Variants in BDP1 observed in about 807,000 individuals in gnomAD.
BDP1 encodes the protein transcription factor TFIIIB component B'' homolog.
In BDP1, 169 loss-of-function variants were observed where a neutral mutation model predicts 266.6. The observed-to-expected ratio is 0.63, with a 90% CI of 0.56 to 0.72. The LOEUF (loss-of-function observed/expected upper bound fraction) is 0.72. BDP1 is among the 30% of genes least tolerant of loss of function. The pLI is 0.00. For synonymous variants in BDP1, 1,090 were observed against 1,022.4 expected, an observed-to-expected ratio of 1.07 and a Z score of -1.26; for missense variants, 3,015 against 3,053.8, an observed-to-expected ratio of 0.99 and a Z score of 0.30.
Position 71,541,461 on chromosome 5 carries a change from A to G in BDP1, c.6030A>G (p.Val2010=), listed in dbSNP as rs759524421. The change falls in exon 29 of 39, where the codon GTA becomes GTG. Residue 2010 remains valine (V), a synonymous_variant. Coordinates refer to ENST00000358731, the MANE Select transcript of BDP1 (RefSeq NM_018429.3). ...EISSEQGDVG[V]CIIPHVHSKD... ...TTTTTTTTTTTTCTTCAGTAGGAGT[A>G]TGTATAATTCCTCATGTTCATTCAA... The G allele has an allele frequency of 1.6e-6, 2 of 1,270,956 alleles. No individual in the cohort carries two copies. Among genetic ancestry groups the G allele is most frequent in the Non-Finnish European group, 2.2e-6 (2 of 907,224 alleles). 78.7% of individuals were successfully genotyped at this position (1,270,956 alleles called of 1,614,324 possible). A position where few individuals can be genotyped will look rare whatever the true frequency, so the allele number is the denominator to read the frequency against.
At position 71,491,014 on chromosome 5, in the gene BDP1, A is replaced by G; in HGVS notation, c.1523A>G (p.Lys508Arg). Residue 508 changes from lysine to arginine, a missense_variant, in exon 11 of 39, where the codon AAG (lysine) becomes AGG (arginine). By Grantham distance (26) the Lys-to-Arg change is conservative (BLOSUM62 2). Transcript: ENST00000358731. ...TGTCAGGCTATAAGGCCTGAGCTAA[A>G]GGAAGGTGAATGCAGTAAGGAGCAG... ...NKCQAIRPEL[K>R]EGECSKEQML... 6.2e-7 allele frequency: 1 copy of G among 1,613,110 alleles called. No homozygotes were observed. Among genetic ancestry groups the G allele is most frequent in the East Asian group, 2.2e-5 (1 of 44,856 alleles).
chr5:71,547,002 C>T (rs276601), intron 32 of BDP1, among the ~76,000 whole-genome samples: 58,150 of 151,762 alleles, frequency 0.38, 12,010 homozygotes, highest in South Asian at 0.47. Flanking sequence ...TGTCCCACCA[C>T]ACCTGACTAA....
chr5:71,504,860 C>A, intron 16 of BDP1, 109 bp downstream of exon 16: 1 of 983,586 alleles, frequency 1.0e-6, no homozygotes, highest in Non-Finnish European at 1.6e-6. Flanking sequence ...GTCTGCGTGT[C>A]TAGTTATGTA....
At chr5:71,474,702 C>T (rs892035403) in intron 7 of BDP1, among the ~76,000 whole-genome samples, 1 of 151,478 alleles carries the variant, frequency 6.6e-6, no homozygotes, top group African/African-American at 2.4e-5. Flanking sequence ...CAAAAATTAG[C>T]CAGGTGTGGT....
chr5:71,496,628 G>A (rs1469540299), intron 12 of BDP1, among the ~76,000 whole-genome samples: 2 of 152,092 alleles, frequency 1.3e-5, no homozygotes, highest in African/African-American at 2.4e-5. Context: ...TGTCACCCAG[G>A]CTGGAGTGCA....
intron 33 of BDP1, among the ~76,000 whole-genome samples, 165 bp from the exon 34 acceptor site, chr5:71,549,255 G>A (rs959059324): frequency 1.3e-5 from 2 of 152,128 alleles, no homozygotes; most frequent in African/African-American, 4.8e-5. Flanking sequence ...CAAAAAAGGA[G>A]GGAACTTACT....
intron 7 of BDP1, among the ~76,000 whole-genome samples, chr5:71,472,616 G>C (rs1357313605): frequency 1.3e-5 from 2 of 151,834 alleles, no homozygotes; most frequent in Non-Finnish European, 2.9e-5. Flanking sequence ...GGATTTTTTT[G>C]CTACTTTGTT....
chr5:71,493,064 T>C (rs181246448), intron 11 of BDP1, among the ~76,000 whole-genome samples: 18 of 152,334 alleles, frequency 1.2e-4, no homozygotes, highest in African/African-American at 4.3e-4. Flanking sequence ...ATTAGGCTCA[T>C]TGAGAGCGGT....
intron 30 of BDP1, among the ~76,000 whole-genome samples, chr5:71,543,430 C>T (rs903717259): frequency 1.3e-5 from 2 of 152,084 alleles, no homozygotes; most frequent in Admixed American, 6.5e-5. Flanking sequence ...GACCTTGTCT[C>T]TACAAAATAA....
intron 19 of BDP1, 35 bp downstream of exon 19, chr5:71,513,442 G>GTTTT: frequency 1.1e-6 from 1 of 933,030 alleles, no homozygotes; most frequent in Admixed American, 2.6e-5. Context: ...CTGTGTGGGT[G>GTTTT]TTTTTTTTTT....
At chr5:71,549,303 T>A (rs1742575132) in intron 33 of BDP1, 117 bp from the exon 34 acceptor site, 1 of 836,654 alleles carries the variant, frequency 1.2e-6, no homozygotes, top group Non-Finnish European at 1.8e-6. Flanking sequence ...AGCATTTATT[T>A]ATTTAGTCTT....
intron 22 of BDP1, among the ~76,000 whole-genome samples, chr5:71,521,225 T>G (rs1312220435): frequency 6.6e-6 from 1 of 151,328 alleles, no homozygotes; most frequent in Admixed American, 6.6e-5. Flanking sequence ...ATGCAGATCT[T>G]TCAGAGAACT....
intron 4 of BDP1, 56 bp from the exon 5 acceptor site, chr5:71,466,040 C>T (rs1463941599): frequency 1.9e-6 from 3 of 1,558,366 alleles, no homozygotes; most frequent in East Asian, 2.3e-5. Context: ...AAGTTTTATA[C>T]TATTTAGGCA....
intron 9 of BDP1, 27 bp from the exon 10 acceptor site, chr5:71,489,377 A>G (rs1196772196): frequency 1.3e-6 from 2 of 1,545,670 alleles, no homozygotes; most frequent in Non-Finnish European, 1.7e-6. Flanking sequence ...TTGTTTAAAT[A>G]TTTATAGTAA....
chr5:71,505,918 A>G (rs1272101937), intron 16 of BDP1, among the ~76,000 whole-genome samples: 1 of 152,186 alleles, frequency 6.6e-6, no homozygotes, highest in Non-Finnish European at 1.5e-5. Flanking sequence ...TTCCTGAACT[A>G]CTTTAAAGAT....
At chr5:71,456,648 G>C (rs1761209102) in intron 1 of BDP1, among the ~76,000 whole-genome samples, 1 of 152,134 alleles carries the variant, frequency 6.6e-6, no homozygotes, top group Non-Finnish European at 1.5e-5. Flanking sequence ...TTAGTCTACA[G>C]GTAAACTTTT....
intron 1 of BDP1, 51 bp from the exon 2 acceptor site, chr5:71,458,528 T>C (rs1383316178): frequency 1.5e-6 from 2 of 1,370,618 alleles, no homozygotes; most frequent in Non-Finnish European, 2.0e-6. Flanking sequence ...AAAACTAGCA[T>C]GTGTAACAGA....
intron 38 of BDP1, among the ~76,000 whole-genome samples, chr5:71,563,345 G>A (rs1178727045): frequency 5.9e-5 from 9 of 152,168 alleles, no homozygotes; most frequent in East Asian, 1.9e-4. Context: ...GCGGGATTTC[G>A]CCATGTGGGC....
intron 22 of BDP1, among the ~76,000 whole-genome samples, chr5:71,521,229 G>C (rs1765478042): frequency 6.7e-6 from 1 of 148,848 alleles, no homozygotes. Flanking sequence ...AGATCTTTCA[G>C]AGAACTCAAG....
Sources: gnomAD v4.1 joint callset for allele counts (sites outside exome capture counted in the v4.1 genomes callset) on GRCh38, gnomAD v4.1.1 for gene constraint, MANE v1.5 for transcripts, NCBI Gene and HGNC (gene_info 2026-07-23, HGNC 2026-07-21) for gene names.